Variants in UHRF1 observed in about 807,000 individuals in gnomAD.
UHRF1 encodes the protein ubiquitin like with PHD and ring finger domains 1.
In UHRF1, 9 loss-of-function variants were observed where a neutral mutation model predicts 96.5. The ratio of observed to expected loss-of-function variants is 0.09; its 90% CI spans 0.06 to 0.16. The LOEUF is 0.16. Ranked by LOEUF, UHRF1 falls within the 10% of genes least tolerant of loss-of-function variation. The pLI, the probability that UHRF1 is intolerant of heterozygous loss-of-function variation, is 1.00. For synonymous variants in UHRF1, 455 were observed against 469.9 expected (o/e 0.97, Z 0.41); for missense variants, 626 against 1,131.1 (o/e 0.55, Z 6.40).
chr19:4,951,116 A>G, intron 13 of UHRF1, 120 bp downstream of exon 13: 1 of 1,331,872 alleles, frequency 7.5e-7, no homozygotes, highest in East Asian at 2.6e-5. Flanking sequence ...AAATACAAAA[A>G]TTAGCTGGGT....
At chr19:4,942,559 G>A (rs1227044988) in intron 7 of UHRF1, among the ~76,000 whole-genome samples, 1 of 146,412 alleles carries the variant, frequency 6.8e-6, no homozygotes, top group Non-Finnish European at 1.5e-5. Context: ...AGCAATTCTC[G>A]TGCCTCAGCC....
exon 1 of UHRF1, chr19:4,903,466 T>A (rs1237196301): frequency 2.0e-5 from 3 of 152,136 alleles, no homozygotes; most frequent in Non-Finnish European, 4.4e-5. Context: ...GCATGCACCA[T>A]CACCATGCTT....
chr19:4,908,353 TA>T (rs776533920), upstream of UHRF1, among the ~76,000 whole-genome samples: 11 of 152,240 alleles, frequency 7.2e-5, no homozygotes, highest in Non-Finnish European at 1.5e-4. Flanking sequence ...GAAGAAACTG[TA>T]AAAAGCTAAG....
rs140931189 is a variant in UHRF1 at position 4,955,893 on chromosome 19, C to T, written c.2131-816C>T. ...GGTCACTGCCTCCTTGAACTCCCAA[C>T]TCCCAGGCCACGCCTATGTTTTTAA... On this transcript the variant is annotated intron_variant, in intron 15 of 16. Transcript: ENST00000650932. Among the ~76,000 whole-genome samples the T allele has an allele frequency of 5.2e-3, 791 of 152,240 alleles. 3 individuals carry two copies. Among genetic ancestry groups the T allele is most frequent in the Non-Finnish European group, 7.6e-3 (515 of 68,002 alleles).
At chr19:4,953,672 C>T (rs1171005925) in intron 13 of UHRF1, among the ~76,000 whole-genome samples, 1 of 152,132 alleles carries the variant, frequency 6.6e-6, no homozygotes, top group African/African-American at 2.4e-5. Context: ...TGCTATGTTG[C>T]CCAGGCTGGT....
intron 1 of UHRF1, among the ~76,000 whole-genome samples, chr19:4,903,801 G>A (rs1239283262): frequency 6.6e-6 from 1 of 151,820 alleles, no homozygotes. Flanking sequence ...CTGTGCCCAG[G>A]TGCATACACA....
At chr19:4,911,606 G>C (rs1038742346) in intron 2 of UHRF1, among the ~76,000 whole-genome samples, 1 of 152,160 alleles carries the variant, frequency 6.6e-6, no homozygotes, top group Admixed American at 6.6e-5. Flanking sequence ...GGGGCGTGTG[G>C]TCCCCGAGGG....
At chr19:4,917,111 G>GTTTTT (rs59815341) in intron 2 of UHRF1, among the ~76,000 whole-genome samples, 4 of 77,186 alleles carry the variant, frequency 5.2e-5, no homozygotes, top group Non-Finnish European at 9.3e-5. Context: ...TTAAGTTTTC[G>GTTTTT]TTTTTTTTTT....
intron 1 of UHRF1, chr19:4,909,856 T>A (rs1278428008): frequency 1.8e-5 from 7 of 378,864 alleles, no homozygotes. Context: ...CAGCGCTGCG[T>A]CCCCGGAGCC....
chr19:4,911,524 T>C (rs1353940829), intron 2 of UHRF1, among the ~76,000 whole-genome samples: 1 of 152,016 alleles, frequency 6.6e-6, no homozygotes, highest in Non-Finnish European at 1.5e-5. Context: ...TTATTCAGAG[T>C]CTGGAGATGG....
Position 4,960,621 on chromosome 19 carries a change from G to A in UHRF1, c.2236-36G>A, listed in dbSNP as rs1448543022. On this transcript the variant is annotated intron_variant, in intron 16 of 16. Transcript: ENST00000650932. ...TGGCCAGGAGCAAACCTGATGGTGT[G>A]GATGGCACTTCTCACGCGCCTGCTG... 3.7e-6 allele frequency: 6 copies of A among 1,606,448 alleles called. No individual in the cohort carries two copies. The East Asian group carries it at 1.3e-4, about 36-fold the overall frequency.
At chr19:4,955,699 C>T (rs376188014) in intron 15 of UHRF1, among the ~76,000 whole-genome samples, 15 of 152,012 alleles carry the variant, frequency 9.9e-5, no homozygotes, top group Admixed American at 6.6e-4. Flanking sequence ...CTTTGGTCCC[C>T]GCACTTAGCT....
chr19:4,930,251 A>G lies in UHRF1; in HGVS notation c.409-465A>G, dbSNP rs992428003. Among the ~76,000 whole-genome samples the G allele has an allele frequency of 2.6e-5, 4 of 152,210 alleles. No homozygotes were observed. Among genetic ancestry groups the G allele is most frequent in the African/African-American group, 9.6e-5 (4 of 41,458 alleles). ...CAGCCTCCCAAAGTGCTGGAATTAT[A>G]GGTGTGAGCCACTGCACCCAGTCTG... On this transcript the variant is annotated intron_variant, in intron 3 of 16. Coordinates refer to ENST00000650932, the MANE Select transcript of UHRF1 (RefSeq NM_001048201.3). This position sits in a 1 kb window ranked among gnomAD's most constrained non-coding sequence, Gnocchi z 4.4.
Position 4,930,875 on chromosome 19 carries a change from G to A in UHRF1, c.568G>A (p.Asp190Asn), listed in dbSNP as rs2033029857. ...CGTCATTTACCACGTGAAATACGACGAGTGAGTCATGGCAGGTGGGCGGGC... is the reference window on the plus strand; with the variant it reads ...CGTCATTTACCACGTGAAATACGACAAGTGAGTCATGGCAGGTGGGCGGGC... ...EDVIYHVKYDDYPENGVVQMN... is the reference protein window; with the variant it reads ...EDVIYHVKYDNYPENGVVQMN... Residue 190 changes from aspartate (D) to asparagine (N), a missense_variant and splice_region_variant, in exon 4 of 17, where the codon GAC (aspartate) becomes AAC (asparagine). This residue lies in a region of UHRF1 where 198 missense variants were observed against 235.1 expected (regional missense o/e 0.84). Coordinates refer to ENST00000650932, the MANE Select transcript of UHRF1 (RefSeq NM_001048201.3). This position sits in a 1 kb window ranked among gnomAD's most constrained non-coding sequence, Gnocchi z 4.4. The A allele has an allele frequency of 2.5e-6, 4 of 1,613,830 alleles. No homozygotes were observed. Among genetic ancestry groups the A allele is most frequent in the African/African-American group, 1.3e-5 (1 of 75,052 alleles).
chr19:4,950,496 A>C (rs2033687091), intron 11 of UHRF1, 115 bp from the exon 12 acceptor site: 1 of 1,144,072 alleles, frequency 8.7e-7, no homozygotes, highest in African/African-American at 1.6e-5. Flanking sequence ...TGCCTACTTC[A>C]GCCTCCCAAA....
At chr19:4,933,035 G>A (rs1160159121) in intron 5 of UHRF1, 79 bp downstream of exon 5, 6 of 1,450,774 alleles carry the variant, frequency 4.1e-6, no homozygotes, top group Non-Finnish European at 5.6e-6. Flanking sequence ...CTTTGAAGCC[G>A]TCCAGCCAGC....
At chr19:4,921,647 T>G (rs2032707481) in intron 2 of UHRF1, among the ~76,000 whole-genome samples, 1 of 151,258 alleles carries the variant, frequency 6.6e-6, no homozygotes, top group African/African-American at 2.4e-5. Context: ...TCCCAGTTAC[T>G]TGGAGGGGCC....
intron 11 of UHRF1, among the ~76,000 whole-genome samples, chr19:4,947,488 A>ACCTTTTTT (rs2033600635): frequency 1.4e-5 from 1 of 70,372 alleles, no homozygotes; most frequent in African/African-American, 5.5e-5. Context: ...GATAATAGAT[A>ACCTTTTTT]TCTTTTTTTT....
chr19:4,916,479 C>T (rs1302450084), intron 2 of UHRF1, among the ~76,000 whole-genome samples: 1 of 152,154 alleles, frequency 6.6e-6, no homozygotes, highest in Non-Finnish European at 1.5e-5. Flanking sequence ...CGACAGTGAT[C>T]GTGGTGTCTT....
Sources: gnomAD v4.1 joint callset for allele counts (sites outside exome capture counted in the v4.1 genomes callset) on GRCh38, gnomAD v4.1.1 for gene constraint, gnomAD v4.1.1 regional missense constraint, Gnocchi (gnomAD v3.1) non-coding constraint, MANE v1.5 for transcripts, NCBI Gene and HGNC (gene_info 2026-07-23, HGNC 2026-07-21) for gene names.